The following PDE10A variants were observed in gnomAD, a reference collection of about 807,000 sequenced individuals.
PDE10A encodes the protein cAMP and cAMP-inhibited cGMP 3',5'-cyclic phosphodiesterase 10A.
A neutral mutation model predicts 97.7 loss-of-function variants in PDE10A; 39 were observed. The observed-to-expected ratio is 0.40, with a 90% confidence interval of 0.31 to 0.52. The LOEUF is 0.52. PDE10A is among the 20% of genes least tolerant of loss of function. PDE10A has a pLI of 0.56. For missense variants in PDE10A, 731 were observed against 1,047.8 expected, an observed-to-expected ratio of 0.70 and a Z score of 4.17; for synonymous variants, 371 against 376.8, an observed-to-expected ratio of 0.98 and a Z score of 0.18.
At chr6:165,409,899 T>TC (rs1787600255) in intron 13 of PDE10A, among the ~76,000 whole-genome samples, 1 of 151,708 alleles carries the variant, frequency 6.6e-6, no homozygotes, top group Non-Finnish European at 1.5e-5. Flanking sequence ...TTTTTTTTTT[T>TC]TTTTTCTGTG....
At chr6:165,751,020 G>A (rs1792986751) in intron 1 of PDE10A, among the ~76,000 whole-genome samples, 1 of 152,158 alleles carries the variant, frequency 6.6e-6, no homozygotes, top group South Asian at 2.1e-4. Context: ...GGGGTTCAAA[G>A]AAGAACACAG....
At chr6:165,917,711 A>G (rs546792960) in intron 1 of PDE10A, among the ~76,000 whole-genome samples, 33 of 152,198 alleles carry the variant, frequency 2.2e-4, no homozygotes, top group Non-Finnish European at 4.1e-4. Flanking sequence ...GCAAGTGATG[A>G]GTCCGGACCC....
chr6:165,797,331 T>A (rs1167223782), intron 1 of PDE10A, among the ~76,000 whole-genome samples: 1 of 152,242 alleles, frequency 6.6e-6, no homozygotes, highest in East Asian at 1.9e-4. Context: ...TGGTAATCCT[T>A]GTAAAATCCA....
intron 1 of PDE10A, among the ~76,000 whole-genome samples, chr6:165,899,393 C>T (rs2128483898): frequency 6.6e-6 from 1 of 152,260 alleles, no homozygotes; most frequent in South Asian, 2.1e-4. Flanking sequence ...AATATTCAGC[C>T]ATCGTTTTCA....
chr6:165,969,956 A>T (rs897366361), intron 1 of PDE10A, among the ~76,000 whole-genome samples: 5 of 152,224 alleles, frequency 3.3e-5, no homozygotes, highest in Non-Finnish European at 5.9e-5. Context: ...AAAGGGAAAG[A>T]GTGTAATTTT....
Position 165,661,558 on chromosome 6 carries a change from A to T in PDE10A, c.865+389T>A, listed in dbSNP as rs1289073959. On this transcript the variant is annotated intron_variant, in intron 1 of 21. Transcript: ENST00000539869. The surrounding 1 kb of genome is among the most constrained non-coding windows in gnomAD (Gnocchi z 4.8). ...GCGCATCTGCTCCAGCCAAGTGGCCACAGGCTCAAGAGGGAGGAACCTAAG... is the reference window on the plus strand; with the variant it reads ...GCGCATCTGCTCCAGCCAAGTGGCCTCAGGCTCAAGAGGGAGGAACCTAAG... 1 of 174,014 alleles carries T rather than the reference A, an allele frequency of 5.7e-6. No homozygotes were observed. The highest frequency in any genetic ancestry group is 1.2e-5 in the Non-Finnish European group (1 of 82,810). The allele number at this position is 174,014 out of a possible 1,614,324, so 10.8% of individuals were successfully genotyped here.
At chr6:165,649,291 CAAAG>C (rs1789559696) in intron 1 of PDE10A, among the ~76,000 whole-genome samples, 1 of 152,028 alleles carries the variant, frequency 6.6e-6, no homozygotes, top group African/African-American at 2.4e-5. Flanking sequence ...AGTGATAAGA[CAAAG>C]AAAGCTGTCA....
intron 1 of PDE10A, among the ~76,000 whole-genome samples, chr6:165,931,743 C>CA (rs1783142669): frequency 6.6e-6 from 1 of 152,094 alleles, no homozygotes; most frequent in South Asian, 2.1e-4. Flanking sequence ...TGTAAAGAAA[C>CA]AAAATAAAAC....
At chr6:165,831,457 A>G (rs1464258833) in intron 1 of PDE10A, among the ~76,000 whole-genome samples, 1 of 136,078 alleles carries the variant, frequency 7.3e-6, no homozygotes, top group Non-Finnish European at 1.6e-5. Flanking sequence ...AACTTTCTGT[A>G]TTCTGAAAAA....
At chr6:165,938,400 G>A (rs1311846870) in intron 1 of PDE10A, among the ~76,000 whole-genome samples, 1 of 152,166 alleles carries the variant, frequency 6.6e-6, no homozygotes, top group Admixed American at 6.5e-5. Context: ...CATTAAAATG[G>A]CTATTCTGTT....
intron 1 of PDE10A, among the ~76,000 whole-genome samples, chr6:165,958,459 CAAAAGAAA>C (rs1784209420): frequency 2.0e-5 from 1 of 49,398 alleles, no homozygotes; most frequent in Non-Finnish European, 5.0e-5. Flanking sequence ...AGAGAGAAAA[CAAAAGAAA>C]GAAAGAAAGA....
At chr6:165,683,464 C>G (rs1391167327) in intron 1 of PDE10A, among the ~76,000 whole-genome samples, 4 of 152,198 alleles carry the variant, frequency 2.6e-5, no homozygotes, top group African/African-American at 9.7e-5. Context: ...CATCAACAAG[C>G]TATCTTTGCA....
At chr6:165,864,677 T>G (rs1780992455) in intron 1 of PDE10A, among the ~76,000 whole-genome samples, 2 of 152,182 alleles carry the variant, frequency 1.3e-5, no homozygotes, top group Non-Finnish European at 1.5e-5. Context: ...TCAAAAAGAT[T>G]AAGACATGGA....
intron 1 of PDE10A, among the ~76,000 whole-genome samples, chr6:165,572,395 A>C (rs753719596): frequency 6.6e-6 from 1 of 152,170 alleles, no homozygotes; most frequent in Admixed American, 6.6e-5. Flanking sequence ...GCTTTAAAAA[A>C]CTCAGAAAAT....
chr6:165,951,855 C>A (rs1375919992), intron 1 of PDE10A, among the ~76,000 whole-genome samples: 1 of 152,218 alleles, frequency 6.6e-6, no homozygotes, highest in Non-Finnish European at 1.5e-5. Flanking sequence ...CAAGCTTTTA[C>A]TGGGGCCCTA....
intron 1 of PDE10A, among the ~76,000 whole-genome samples, chr6:165,690,110 A>G (rs1161708843): frequency 1.3e-5 from 2 of 152,138 alleles, no homozygotes; most frequent in African/African-American, 4.8e-5. Flanking sequence ...AGAGAATAGG[A>G]AGAAGTAGGA....
intron 2 of PDE10A, among the ~76,000 whole-genome samples, chr6:165,542,808 T>TG (rs1245894980): frequency 6.6e-6 from 1 of 151,650 alleles, no homozygotes. Flanking sequence ...TTAGTAGAGA[T>TG]GGGGTTTCAC....
intron 1 of PDE10A, among the ~76,000 whole-genome samples, chr6:165,698,175 C>G (rs1426311087): frequency 6.6e-6 from 1 of 152,148 alleles, no homozygotes; most frequent in African/African-American, 2.4e-5. Flanking sequence ...CCTAGGGAGA[C>G]TATTCAGTAA....
intron 10 of PDE10A, among the ~76,000 whole-genome samples, chr6:165,425,568 CA>C (rs1183606835): frequency 2.0e-5 from 3 of 152,002 alleles, no homozygotes; most frequent in Non-Finnish European, 2.9e-5. Flanking sequence ...GAAAAACCCA[CA>C]AAAAAATCAT....
Sources: gnomAD v4.1 joint callset for allele counts (sites outside exome capture counted in the v4.1 genomes callset) on GRCh38, gnomAD v4.1.1 for gene constraint, Gnocchi (gnomAD v3.1) non-coding constraint, MANE v1.5 for transcripts, NCBI Gene and HGNC (gene_info 2026-07-23, HGNC 2026-07-21) for gene names.